The following AGO2 variants were observed in gnomAD, a reference collection of about 807,000 sequenced individuals.
The protein encoded by AGO2 is argonaute RISC catalytic component 2, also known as protein argonaute-2.
In AGO2, 5 loss-of-function variants were observed where a neutral mutation model predicts 102.3. The ratio of observed to expected loss-of-function variants is 0.05; its 90% CI spans 0.03 to 0.10. The LOEUF is 0.10. AGO2 is among the 10% of genes least tolerant of loss of function. The pLI is 1.00. For missense variants in AGO2, 541 were observed against 1,183.7 expected (o/e 0.46, Z 7.97); for synonymous variants, 449 against 473.1 (o/e 0.95, Z 0.66).
At chr8:140,568,256 C>A (rs1179428842) in intron 3 of AGO2, among the ~76,000 whole-genome samples, 4 of 143,134 alleles carry the variant, frequency 2.8e-5, no homozygotes, top group African/African-American at 1.1e-4. Context: ...TGCACTCTAG[C>A]CTGGGTGACA....
intron 1 of AGO2, among the ~76,000 whole-genome samples, chr8:140,617,490 T>G (rs1403699600): frequency 6.6e-6 from 1 of 152,126 alleles, no homozygotes; most frequent in Admixed American, 6.5e-5. Flanking sequence ...TGACCTCAAG[T>G]GATCCACCTG....
chr8:140,546,045 G>A (rs992771310), intron 13 of AGO2, among the ~76,000 whole-genome samples: 3 of 152,196 alleles, frequency 2.0e-5, no homozygotes, highest in African/African-American at 7.2e-5. Flanking sequence ...CTTCCGGCCC[G>A]GTGCTGCCCA....
intron 17 of AGO2, 158 bp from the exon 18 acceptor site, chr8:140,532,773 G>C (rs2072620488): frequency 5.5e-6 from 4 of 732,398 alleles, no homozygotes; most frequent in Non-Finnish European, 8.8e-6. Flanking sequence ...AAGGCGGGCA[G>C]ATCACGCGGT....
intron 16 of AGO2, among the ~76,000 whole-genome samples, chr8:140,537,030 C>G (rs939201886): frequency 2.6e-5 from 4 of 152,168 alleles, no homozygotes; most frequent in Non-Finnish European, 5.9e-5. Context: ...CTTCTGAGTA[C>G]TTTGTGATTT....
intron 1 of AGO2, among the ~76,000 whole-genome samples, chr8:140,628,336 G>A (rs2074300407): frequency 6.6e-6 from 1 of 152,232 alleles, no homozygotes. Context: ...CCCCAGGAAT[G>A]AGGAGGACGG....
chr8:140,582,180 TTA>T (rs1200137956), intron 2 of AGO2, among the ~76,000 whole-genome samples: 2 of 152,190 alleles, frequency 1.3e-5, no homozygotes, highest in African/African-American at 4.8e-5. Flanking sequence ...TTTGGAGGAA[TTA>T]TTTAATCGGA....
At chr8:140,581,547 C>T (rs1446229166) in intron 2 of AGO2, among the ~76,000 whole-genome samples, 1 of 152,110 alleles carries the variant, frequency 6.6e-6, no homozygotes, top group Admixed American at 6.6e-5. Context: ...GTGTATACTG[C>T]TTTATGCTCT....
At chr8:140,566,682 C>T (rs1002020883) in intron 3 of AGO2, among the ~76,000 whole-genome samples, 1 of 151,668 alleles carries the variant, frequency 6.6e-6, no homozygotes, top group Non-Finnish European at 1.5e-5. Flanking sequence ...GACTGAGGCG[C>T]CCCGGGCCAG....
intron 1 of AGO2, among the ~76,000 whole-genome samples, chr8:140,595,198 T>C (rs1018387302): frequency 2.6e-5 from 4 of 152,124 alleles, no homozygotes; most frequent in African/African-American, 9.7e-5. Flanking sequence ...TTAAATGAAC[T>C]GTGAGGACAG....
chr8:140,541,296 G>A lies in AGO2; in HGVS notation c.1902C>T (p.His634=). The change falls in exon 15 of 19, where the codon CAC becomes CAT. Residue 634 remains histidine (H), a synonymous_variant. Coordinates refer to ENST00000220592, the MANE Select transcript of AGO2 (RefSeq NM_012154.5). ...RYCATVRVQQ[H]RQEIIQDLAA... ...CCAGGTCTTGTATGATCTCCTGCCGGTGCTGCTGCACGCGCACGGTGGCGC... is the reference window on the plus strand; with the variant it reads ...CCAGGTCTTGTATGATCTCCTGCCGATGCTGCTGCACGCGCACGGTGGCGC... 6.2e-7 allele frequency: 1 copy of A among 1,613,632 alleles called. No individual in the cohort carries two copies. Among genetic ancestry groups the A allele is most frequent in the Non-Finnish European group, 8.5e-7 (1 of 1,179,924 alleles).
chr8:140,599,373 C>T lies in AGO2; in HGVS notation c.23-14062G>A, dbSNP rs114229536. On this transcript the variant is annotated intron_variant, in intron 1 of 18. Coordinates refer to ENST00000220592, the MANE Select transcript of AGO2 (RefSeq NM_012154.5). ...CCACTCAGGCCACAGCAGAAAAACG[C>T]GTGCTGGAATCTGAAACAAAGTCTG... Among the ~76,000 whole-genome samples the T allele has an allele frequency of 5.4e-3, 822 of 152,296 alleles. 7 individuals carry two copies. The highest frequency in any genetic ancestry group is 0.019 in the African/African-American group (800 of 41,544).
chr8:140,532,946 C>T (rs970156566), intron 17 of AGO2, among the ~76,000 whole-genome samples: 20 of 150,100 alleles, frequency 1.3e-4, no homozygotes, highest in Admixed American at 6.6e-4. Flanking sequence ...TGCGGTGAGC[C>T]GAGATCACGC....
chr8:140,633,640 G>C (rs1281903668), intron 1 of AGO2, among the ~76,000 whole-genome samples: 1 of 152,226 alleles, frequency 6.6e-6, no homozygotes, highest in Non-Finnish European at 1.5e-5. Context: ...AAGTATGCGG[G>C]CAGGTGCTGG....
chr8:140,556,836 G>C (rs1169563588), intron 8 of AGO2, among the ~76,000 whole-genome samples: 1 of 152,114 alleles, frequency 6.6e-6, no homozygotes, highest in East Asian at 1.9e-4. Flanking sequence ...CGCGCTGCGG[G>C]GCCTGCTGGA....
chr8:140,550,809 G>A (rs1485041665), intron 11 of AGO2, among the ~76,000 whole-genome samples: 1 of 151,972 alleles, frequency 6.6e-6, no homozygotes, highest in Non-Finnish European at 1.5e-5. Flanking sequence ...GAGATGGGCT[G>A]GTCTCAAACT....
chr8:140,590,696 G>C (rs953122823), intron 1 of AGO2, among the ~76,000 whole-genome samples: 1 of 152,198 alleles, frequency 6.6e-6, no homozygotes, highest in Admixed American at 6.5e-5. Context: ...CCCTGAGCAG[G>C]AGCCACTGCA....
At chr8:140,595,897 A>C (rs1385734426) in intron 1 of AGO2, among the ~76,000 whole-genome samples, 1 of 120,928 alleles carries the variant, frequency 8.3e-6, no homozygotes, top group Non-Finnish European at 1.6e-5. Flanking sequence ...AATTATATAT[A>C]TTATGTATTA....
In AGO2 at chr8:140,572,816, T is replaced by G. The variant is rs1490138077; in HGVS notation, c.332A>C (p.Asp111Ala). The change falls in exon 3 of 19, where the codon GAC becomes GCC. Residue 111 changes from aspartate (D) to alanine (A), a missense_variant. By Grantham distance (126) the Asp-to-Ala change is moderately radical. Around this residue, in one of 6 missense-constraint regions of AGO2, gnomAD observed 147 missense variants for 204.1 expected, o/e 0.72. Transcript: ENST00000220592. ...AGGGCATCCCGGCGAGCTTACCTTGTCCCTCCCAATCGGAAGGGGCATGGC... is the reference window on the plus strand; with the variant it reads ...AGGGCATCCCGGCGAGCTTACCTTGGCCCTCCCAATCGGAAGGGGCATGGC... ...YTAMPLPIGRDKVELEVTLPG... is the reference protein window; with the variant it reads ...YTAMPLPIGRAKVELEVTLPG... 1 of 1,610,492 alleles carries G rather than the reference T, an allele frequency of 6.2e-7. No homozygotes were observed. The highest frequency in any genetic ancestry group is 8.5e-7 in the Non-Finnish European group (1 of 1,179,076).
At chr8:140,624,675 G>A (rs193018109) in intron 1 of AGO2, among the ~76,000 whole-genome samples, 3 of 152,362 alleles carry the variant, frequency 2.0e-5, no homozygotes, top group East Asian at 1.9e-4. Context: ...GGCAACTCTG[G>A]CACCGTGTGC....
Sources: allele counts gnomAD v4.1 joint callset (sites outside exome capture counted in the v4.1 genomes callset), GRCh38; gene constraint gnomAD v4.1.1; regional missense constraint gnomAD v4.1.1; transcripts MANE v1.5; gene names NCBI Gene and HGNC (gene_info 2026-07-23, HGNC 2026-07-21).